The following DOCK9 variants were observed in gnomAD, a reference collection of about 807,000 sequenced individuals.
The protein encoded by DOCK9 is dedicator of cytokinesis 9.
In DOCK9, 89 loss-of-function variants were observed where a neutral mutation model predicts 263.3. The ratio of observed to expected loss-of-function variants is 0.34; its 90% CI spans 0.28 to 0.40. The LOEUF is 0.40. Ranked by LOEUF, DOCK9 falls within the 10% of genes least tolerant of loss-of-function variation. DOCK9 has a pLI of 1.00. For missense variants in DOCK9, 2,140 were observed against 2,603.4 expected (o/e 0.82, Z 3.87); for synonymous variants, 976 against 973.1 (o/e 1.00, Z -0.06).
In DOCK9 at chr13:98,923,822, C is replaced by A. The variant is rs1220159916; in HGVS notation, c.417-451G>T. Among the ~76,000 whole-genome samples the A allele has an allele frequency of 2.6e-5, 4 of 152,166 alleles. No homozygotes were observed. The East Asian group carries it at 7.7e-4, about 29-fold the overall frequency. Reference sequence around the variant, plus strand: ...CTCAATGGGTATGACGTGCTAGGCCCTGCGCACTTCTCATGTGCCCTCTCA... The same window carrying A: ...CTCAATGGGTATGACGTGCTAGGCCATGCGCACTTCTCATGTGCCCTCTCA... On this transcript the variant is annotated intron_variant, in intron 4 of 52. Transcript: ENST00000682017.
At chr13:98,920,649 T>C (rs776453837) in intron 7 of DOCK9, among the ~76,000 whole-genome samples, 1 of 152,242 alleles carries the variant, frequency 6.6e-6, no homozygotes, top group Non-Finnish European at 1.5e-5. Flanking sequence ...ATTCATCCAA[T>C]GTACTCATTT....
intron 1 of DOCK9, among the ~76,000 whole-genome samples, chr13:99,013,899 C>T (rs9517545): frequency 1.1e-4 from 16 of 151,956 alleles, no homozygotes; most frequent in African/African-American, 3.6e-4. Context: ...CAGAGGGCAA[C>T]GACACCAACA....
rs778602152 is a variant in DOCK9 at position 98,888,171 on chromosome 13, G to T, written c.2030C>A (p.Ser677Tyr). 2 of 1,606,060 alleles carry T rather than the reference G, an allele frequency of 1.2e-6. No individual in the cohort carries two copies. The highest frequency in any genetic ancestry group is 2.2e-5 in the South Asian group (2 of 89,258). The change falls in exon 18 of 53, where the codon TCT (serine) becomes TAT (tyrosine). Residue 677 changes from serine (S) to tyrosine (Y), a missense_variant. Ser to Tyr is a moderately radical substitution (Grantham distance 144). Around this residue, in one of 2 missense-constraint regions of DOCK9, gnomAD observed 1,521 missense variants for 1,741.7 expected, o/e 0.87. Transcript: ENST00000682017. ...IEFKDSDEED[S>Y]QPLKCIYGRP... Reference sequence around the variant, plus strand: ...AAAAAAACAAACCTTAAGGGGCTGAGAGTCTTCCTCATCTGAATCTTTGAA... The same window carrying T: ...AAAAAAACAAACCTTAAGGGGCTGATAGTCTTCCTCATCTGAATCTTTGAA...
chr13:98,805,270 C>T, intron 48 of DOCK9, 61 bp from the exon 49 acceptor site: 2 of 1,404,384 alleles, frequency 1.4e-6, no homozygotes, highest in Non-Finnish European at 2.0e-6. Flanking sequence ...TCAGTTCTTA[C>T]CTACGTGGTA....
chr13:98,887,073 C>T lies in DOCK9; in HGVS notation c.2044-449G>A, dbSNP rs1246866704. On this transcript the variant is annotated intron_variant, in intron 18 of 52. Transcript: ENST00000682017. ...CATCTGTCCACCAAGATCTTTTTCT[C>T]CACGACTGTTTTTCCCACTTGACTG... Among the ~76,000 whole-genome samples the T allele has an allele frequency of 2.0e-5, 3 of 149,326 alleles. No homozygotes were observed. The East Asian group carries it at 5.9e-4, about 29-fold the overall frequency.
chr13:98,809,313 A>T (rs1258636979), intron 47 of DOCK9, 39 bp downstream of exon 47: 1 of 1,509,336 alleles, frequency 6.6e-7, no homozygotes, highest in Non-Finnish European at 9.0e-7. Flanking sequence ...TTTTTTTTAA[A>T]GGACTTAGGA....
chr13:98,804,147 C>T (rs546230673), intron 49 of DOCK9, among the ~76,000 whole-genome samples: 1 of 152,276 alleles, frequency 6.6e-6, no homozygotes, highest in East Asian at 1.9e-4. Flanking sequence ...AGGCCCTTTC[C>T]TGGTCTGACT....
At chr13:99,049,806 C>G (rs961271214) in intron 1 of DOCK9, among the ~76,000 whole-genome samples, 1 of 152,202 alleles carries the variant, frequency 6.6e-6, no homozygotes, top group African/African-American at 2.4e-5. Flanking sequence ...GAATGAGCAA[C>G]CACACCCAGC....
At chr13:99,056,877 C>T (rs1216318355) in intron 1 of DOCK9, among the ~76,000 whole-genome samples, 1 of 152,240 alleles carries the variant, frequency 6.6e-6, no homozygotes, top group Non-Finnish European at 1.5e-5. Context: ...GCCATGCGTA[C>T]AGCAGCGGGG....
intron 15 of DOCK9, among the ~76,000 whole-genome samples, chr13:98,889,993 C>T (rs1475689397): frequency 1.3e-5 from 2 of 152,164 alleles, no homozygotes; most frequent in Non-Finnish European, 2.9e-5. Flanking sequence ...TCTTTTTTCA[C>T]ATGCTTATTT....
In DOCK9 at chr13:98,829,457, G is replaced by A. The variant is rs371053487; in HGVS notation, c.4815C>T (p.Thr1605=). 1.5e-5 allele frequency: 24 copies of A among 1,613,790 alleles called. No homozygotes were observed. The highest frequency in any genetic ancestry group is 2.2e-5 in the East Asian group (1 of 44,894). The change falls in exon 43 of 53, where the codon ACC becomes ACT. Residue 1605 remains threonine (T), a synonymous_variant. Transcript: ENST00000682017. The surrounding 1 kb of genome is among the most constrained non-coding windows in gnomAD (Gnocchi z 4.1). ...TKRIRTVLMA[T]AQMKEHENDP... ...CGTTCTCATGCTCCTTCATCTGGGC[G>A]GTGGCCATTAGCACCGTGCGTATCC...
At chr13:98,892,778 T>C (rs1566880688) in intron 15 of DOCK9, among the ~76,000 whole-genome samples, 1 of 152,156 alleles carries the variant, frequency 6.6e-6, no homozygotes, top group East Asian at 1.9e-4. Flanking sequence ...GCAGAGTATC[T>C]AGATCTATCG....
chr13:99,070,079 AT>A (rs1291407715), intron 1 of DOCK9, among the ~76,000 whole-genome samples: 1 of 152,228 alleles, frequency 6.6e-6, no homozygotes, highest in African/African-American at 2.4e-5. Context: ...TCACAGGGGC[AT>A]CCCGCCTCTA....
intron 27 of DOCK9, among the ~76,000 whole-genome samples, chr13:98,878,379 C>G (rs1430134118): frequency 2.0e-5 from 3 of 152,168 alleles, no homozygotes; most frequent in Non-Finnish European, 4.4e-5. Flanking sequence ...TGGTAATAAA[C>G]ACATTCATAT....
At chr13:98,920,811 A>G in intron 7 of DOCK9, 143 bp downstream of exon 7, 1 of 815,986 alleles carries the variant, frequency 1.2e-6, no homozygotes, top group Non-Finnish European at 1.8e-6. Flanking sequence ...ATGAAAAACA[A>G]GGCTTGCCTC....
At chr13:99,003,814 A>T (rs1882826043) in intron 1 of DOCK9, among the ~76,000 whole-genome samples, 1 of 152,174 alleles carries the variant, frequency 6.6e-6, no homozygotes, top group Admixed American at 6.5e-5. Flanking sequence ...CTAAGCCGTT[A>T]TCCACCCTGC....
At chr13:98,986,695 G>A (rs1201969914) in intron 1 of DOCK9, among the ~76,000 whole-genome samples, 1 of 152,110 alleles carries the variant, frequency 6.6e-6, no homozygotes, top group Non-Finnish European at 1.5e-5. Flanking sequence ...CATTGTAACT[G>A]ATTTCCTATG....
chr13:98,915,145 G>A (rs571263639), intron 8 of DOCK9, among the ~76,000 whole-genome samples, 184 bp downstream of exon 8: 4 of 149,406 alleles, frequency 2.7e-5, no homozygotes, highest in African/African-American at 7.3e-5. Flanking sequence ...TTCCATATAC[G>A]AAATGTCAGG....
At chr13:98,895,417 A>G (rs1449015006) in intron 15 of DOCK9, among the ~76,000 whole-genome samples, 1 of 152,178 alleles carries the variant, frequency 6.6e-6, no homozygotes, top group African/African-American at 2.4e-5. Context: ...CTGTAATCCC[A>G]GCACTTTGGG....
Sources: allele counts gnomAD v4.1 joint callset (sites outside exome capture counted in the v4.1 genomes callset), GRCh38; gene constraint gnomAD v4.1.1; regional missense constraint gnomAD v4.1.1; non-coding constraint Gnocchi (gnomAD v3.1); transcripts MANE v1.5; gene names NCBI Gene and HGNC (gene_info 2026-07-23, HGNC 2026-07-21).